Variants in TWSG1 observed in about 807,000 individuals in gnomAD.
TWSG1 encodes twisted gastrulation protein homolog 1.
Under a neutral mutation model 23.0 loss-of-function variants are expected in TWSG1, and 15 were observed. The ratio of observed to expected loss-of-function variants is 0.65; its 90% confidence interval spans 0.44 to 1.00. TWSG1 has a LOEUF of 1.00. Among genes scored for constraint, TWSG1 ranks in the 50% least tolerant of loss-of-function variants. The probability of loss-of-function intolerance (pLI) is 0.00; values close to 1 mark genes in which losing one functional copy is unlikely to be tolerated. For missense variants in TWSG1, 242 were observed against 278.7 expected, an observed-to-expected ratio of 0.87 and a Z score of 0.94; for synonymous variants, 86 against 92.8, an observed-to-expected ratio of 0.93 and a Z score of 0.42.
At chr18:9,368,431 G>A (rs960492607) in intron 3 of TWSG1, among the ~76,000 whole-genome samples, 3 of 152,162 alleles carry the variant, frequency 2.0e-5, no homozygotes, top group African/African-American at 7.2e-5. Flanking sequence ...TTGAACTCTT[G>A]ACCTCAGGAT....
intron 3 of TWSG1, among the ~76,000 whole-genome samples, chr18:9,363,353 C>G (rs2040561580): frequency 6.6e-6 from 1 of 151,390 alleles, no homozygotes; most frequent in South Asian, 2.1e-4. Context: ...TTTACTTTTC[C>G]AAATGTGCAC....
chr18:9,365,006 T>C (rs1283393659), intron 3 of TWSG1, among the ~76,000 whole-genome samples: 1 of 152,162 alleles, frequency 6.6e-6, no homozygotes, highest in Non-Finnish European at 1.5e-5. Context: ...TAACTTTTGA[T>C]TCATGTTTAA....
At chr18:9,363,288 G>A (rs909024709) in intron 3 of TWSG1, among the ~76,000 whole-genome samples, 2 of 151,586 alleles carry the variant, frequency 1.3e-5, no homozygotes, top group African/African-American at 4.9e-5. Flanking sequence ...AAATCCTGTG[G>A]GTTTTGGATC....
chr18:9,383,375 G>A (rs1336247814), intron 3 of TWSG1, among the ~76,000 whole-genome samples: 2 of 151,876 alleles, frequency 1.3e-5, no homozygotes, highest in Non-Finnish European at 2.9e-5. Flanking sequence ...TGTATTTTTA[G>A]TAGAGACAGG....
chr18:9,338,235 C>G (rs149611898), intron 2 of TWSG1, among the ~76,000 whole-genome samples: 3 of 152,320 alleles, frequency 2.0e-5, no homozygotes, highest in Admixed American at 6.5e-5. Flanking sequence ...TTATTTCTGA[C>G]ATTTTGGTCC....
chr18:9,363,150 C>T (rs1226637616), intron 3 of TWSG1, among the ~76,000 whole-genome samples: 1 of 152,168 alleles, frequency 6.6e-6, no homozygotes, highest in East Asian at 1.9e-4. Flanking sequence ...TGGACTTCAG[C>T]ACATACTTTC....
At chr18:9,336,348 C>T (rs1244162547) in intron 1 of TWSG1, among the ~76,000 whole-genome samples, 4 of 151,126 alleles carry the variant, frequency 2.6e-5, no homozygotes, top group Non-Finnish European at 5.9e-5. Flanking sequence ...GCCGAGATTG[C>T]GCCACTGCAC....
At chr18:9,350,097 G>A (rs2040495415) in intron 2 of TWSG1, among the ~76,000 whole-genome samples, 1 of 151,774 alleles carries the variant, frequency 6.6e-6, no homozygotes, top group Non-Finnish European at 1.5e-5. Flanking sequence ...CCGAGATCGT[G>A]CCACTGCACT....
intron 3 of TWSG1, among the ~76,000 whole-genome samples, chr18:9,361,221 T>G (rs1327904186): frequency 2.6e-5 from 4 of 152,200 alleles, no homozygotes; most frequent in Non-Finnish European, 4.4e-5. Flanking sequence ...CTTCCTTTTT[T>G]AATTTCCAAG....
At chr18:9,358,674 A>G (rs781667092) in intron 2 of TWSG1, among the ~76,000 whole-genome samples, 8 of 152,132 alleles carry the variant, frequency 5.3e-5, no homozygotes, top group Non-Finnish European at 1.0e-4. Context: ...TAAGATTAGG[A>G]CCGGCTACTT....
intron 2 of TWSG1, among the ~76,000 whole-genome samples, chr18:9,358,857 A>C (rs1322845263): frequency 6.6e-6 from 1 of 152,208 alleles, no homozygotes; most frequent in Admixed American, 6.5e-5. Context: ...AAAATAATAA[A>C]ATATTAATGT....
At position 9,402,338 on chromosome 18, in the gene TWSG1, A is replaced by G. The variant is rs1012952220; in HGVS notation, c.*2811A>G. On this transcript the variant is annotated 3_prime_UTR_variant, in exon 5 of 5. Transcript: ENST00000262120. ...AGAGTTTATGTTTATTGTATTTTATATGATCTACAACATATAAAATTGTGT... is the reference window on the plus strand; with the variant it reads ...AGAGTTTATGTTTATTGTATTTTATGTGATCTACAACATATAAAATTGTGT... The G allele has an allele frequency of 1.3e-5, 2 of 152,200 alleles. No individual in the cohort carries two copies. The highest frequency in any genetic ancestry group is 1.3e-4 in the Admixed American group (2 of 15,278). The allele number at this position is 152,200 out of a possible 1,614,324, so 9.4% of individuals were successfully genotyped here.
intron 3 of TWSG1, among the ~76,000 whole-genome samples, chr18:9,361,374 C>T (rs1435139692): frequency 6.6e-6 from 1 of 152,046 alleles, no homozygotes; most frequent in Non-Finnish European, 1.5e-5. Flanking sequence ...TGCATGATTT[C>T]CATTTTCTCA....
At chr18:9,376,696 G>T (rs2040631792) in intron 3 of TWSG1, among the ~76,000 whole-genome samples, 1 of 151,994 alleles carries the variant, frequency 6.6e-6, no homozygotes, top group African/African-American at 2.4e-5. Context: ...GCCAGGCATG[G>T]TGGCACACAT....
chr18:9,396,593 CT>C (rs777069700), intron 4 of TWSG1, 47 bp downstream of exon 4: 3 of 1,588,954 alleles, frequency 1.9e-6, no homozygotes, highest in Non-Finnish European at 2.6e-6. Context: ...CTCATGTGGT[CT>C]GTCCATGTAA....
intron 3 of TWSG1, among the ~76,000 whole-genome samples, 199 bp from the exon 4 acceptor site, chr18:9,396,081 G>T (rs2040733374): frequency 7.3e-6 from 1 of 136,260 alleles, no homozygotes; most frequent in African/African-American, 2.8e-5. Flanking sequence ...TAAAAAACAA[G>T]ATCTGAGCGT....
At position 9,335,860 on chromosome 18, in the gene TWSG1, G is replaced by GC. The variant is rs2040420458; in HGVS notation, c.-38+945dup. On this transcript the variant is annotated intron_variant, in intron 1 of 4. Transcript: ENST00000262120. ...ATAAAAGTTTAGAGTAATCATAAAT[G>GC]CCCCCATAAACTCACTATTTATCCC... 2.6e-5 allele frequency among the ~76,000 whole-genome samples: 4 copies of GC among 152,032 alleles called. No homozygotes were observed. In the South Asian group the frequency reaches 8.3e-4, roughly 32 times the overall value.
At chr18:9,374,978 T>C (rs534041050) in intron 3 of TWSG1, among the ~76,000 whole-genome samples, 99 of 152,134 alleles carry the variant, frequency 6.5e-4, no homozygotes, top group Middle Eastern at 3.4e-3. Flanking sequence ...ACATCCTGGC[T>C]AACACAGTGA....
chr18:9,392,012 T>C (rs1053627930), intron 3 of TWSG1, among the ~76,000 whole-genome samples: 5 of 152,240 alleles, frequency 3.3e-5, no homozygotes, highest in Non-Finnish European at 5.9e-5. Flanking sequence ...TGTTGTTCCA[T>C]TTCTAGGGTA....
Sources: gnomAD v4.1 joint callset for allele counts (sites outside exome capture counted in the v4.1 genomes callset) on GRCh38, gnomAD v4.1.1 for gene constraint, MANE v1.5 for transcripts, NCBI Gene and HGNC (gene_info 2026-07-23, HGNC 2026-07-21) for gene names.